Variants in CSNK2A1 observed in about 807,000 individuals in gnomAD.
CSNK2A1 encodes the protein casein kinase 2 alpha 1, also known as casein kinase II subunit alpha.
CSNK2A1 carries 10 observed loss-of-function variants against 62.9 expected under a neutral mutation model. The ratio of observed to expected loss-of-function variants is 0.16; its 90% CI spans 0.10 to 0.27. CSNK2A1 has a LOEUF of 0.27. CSNK2A1 is among the 10% of genes least tolerant of loss of function. The pLI is 1.00. For synonymous variants in CSNK2A1, 124 were observed against 167.8 expected, an observed-to-expected ratio of 0.74 and a Z score of 2.02; for missense variants, 160 against 492.0, an observed-to-expected ratio of 0.33 and a Z score of 6.38.
chr20:524,882 G>GAAGAGGA (rs1252968525), intron 2 of CSNK2A1, among the ~76,000 whole-genome samples: 1 of 152,092 alleles, frequency 6.6e-6, no homozygotes, highest in Non-Finnish European at 1.5e-5. Context: ...TTGGGAGACT[G>GAAGAGGA]AAGAGGAAAG....
Position 478,649 on chromosome 20 carries a change from C to T in CSNK2A1, c.*5312G>A. 4.6e-6 allele frequency: 2 copies of T among 433,862 alleles called. No homozygotes were observed. The highest frequency in any genetic ancestry group is 9.2e-6 in the Non-Finnish European group (2 of 217,708). The allele number at this position is 433,862 out of a possible 1,614,324, so 26.9% of individuals were successfully genotyped here. A position where few individuals can be genotyped will look rare whatever the true frequency, so the allele number is the denominator to read the frequency against. On this transcript the variant is annotated 3_prime_UTR_variant, in exon 14 of 14. Transcript: ENST00000217244. Reference sequence around the variant, plus strand: ...GAGGCCAATAAGAATCCCTAGTGGGCCAGGTGTGGTGGCTCATGCCTCTAA... The same window carrying T: ...GAGGCCAATAAGAATCCCTAGTGGGTCAGGTGTGGTGGCTCATGCCTCTAA...
intron 1 of CSNK2A1, among the ~76,000 whole-genome samples, chr20:529,160 G>A (rs972953779): frequency 6.6e-6 from 1 of 151,450 alleles, no homozygotes; most frequent in East Asian, 1.9e-4. Flanking sequence ...TTGTAGCTGG[G>A]ACCACGGGCA....
chr20:483,393 C>T lies in CSNK2A1; in HGVS notation c.*568G>A, dbSNP rs1294643381. 1 of 152,346 alleles carries T rather than the reference C, an allele frequency of 6.6e-6. No individual in the cohort carries two copies. The highest frequency in any genetic ancestry group is 1.5e-5 in the Non-Finnish European group (1 of 68,040). 9.4% of individuals were successfully genotyped at this position (152,346 alleles called of 1,614,324 possible). A position where few individuals can be genotyped will look rare whatever the true frequency, so the allele number is the denominator to read the frequency against. On this transcript the variant is annotated 3_prime_UTR_variant, in exon 14 of 14. Transcript: ENST00000217244. ...ACTTCCACAAGAGCCACTAGGATAA[C>T]CCCACTGAAGCGCTTATGGAGTAAA...
chr20:505,259 C>T (rs372022858), intron 3 of CSNK2A1, 30 bp from the exon 4 acceptor site: 65 of 1,539,872 alleles, frequency 4.2e-5, no homozygotes, highest in Non-Finnish European at 5.1e-5. Flanking sequence ...GACTTATAAA[C>T]GGTCAAATTA....
Position 475,545 on chromosome 20 carries a change from CCTACTGATATATAT to C in CSNK2A1, c.*8402_*8415del, listed in dbSNP as rs1182896655. 1.3e-5 allele frequency: 2 copies of C among 151,598 alleles called. No individual in the cohort carries two copies. Among genetic ancestry groups the C allele is most frequent in the Non-Finnish European group, 2.9e-5 (2 of 67,978 alleles). The allele number at this position is 151,598 out of a possible 1,614,324, so 9.4% of individuals were successfully genotyped here. On this transcript the variant is annotated 3_prime_UTR_variant, in exon 14 of 14. Coordinates refer to ENST00000217244, the MANE Select transcript of CSNK2A1 (RefSeq NM_177559.3). The stretch of plus-strand genomic sequence containing the variant: ...ATGTTATATGTGGTTGCCTTCTGTT[CCTACTGATATATAT>C]GAATAGTATGGCTGATTGCATTATT...
intron 13 of CSNK2A1, among the ~76,000 whole-genome samples, chr20:485,481 C>G (rs946566310): frequency 2.0e-5 from 3 of 152,154 alleles, no homozygotes; most frequent in Non-Finnish European, 4.4e-5. Flanking sequence ...CTGCACCTGG[C>G]CCTGCATCTT....
At chr20:485,460 G>A (rs1292236111) in intron 13 of CSNK2A1, among the ~76,000 whole-genome samples, 1 of 152,104 alleles carries the variant, frequency 6.6e-6, no homozygotes, top group African/African-American at 2.4e-5. Flanking sequence ...TGGGATTACA[G>A]GCATGAGCCA....
chr20:527,366 A>G (rs1280658468), intron 2 of CSNK2A1, among the ~76,000 whole-genome samples: 3 of 152,190 alleles, frequency 2.0e-5, no homozygotes, highest in Non-Finnish European at 4.4e-5. Flanking sequence ...TTCTATTCTA[A>G]TGTCTTTGAA....
chr20:509,387 A>G (rs554717259), intron 2 of CSNK2A1, among the ~76,000 whole-genome samples: 1 of 152,372 alleles, frequency 6.6e-6, no homozygotes, highest in South Asian at 2.1e-4. Flanking sequence ...GAAAATAAGT[A>G]AGATGTTAGA....
chr20:541,420 A>G (rs2019446822), intron 1 of CSNK2A1, among the ~76,000 whole-genome samples: 1 of 152,230 alleles, frequency 6.6e-6, no homozygotes, highest in South Asian at 2.1e-4. Flanking sequence ...CTTCCTAAAG[A>G]AAATCATCCC....
chr20:536,759 TATG>T lies in CSNK2A1; in HGVS notation c.-227+6910_-227+6912del, dbSNP rs935065729. On this transcript the variant is annotated intron_variant, in intron 1 of 13. Coordinates refer to ENST00000217244, the MANE Select transcript of CSNK2A1 (RefSeq NM_177559.3). ...ACCTCCAAAATCTACTAAGTTGTGG[TATG>T]ATATGCCTGTTATCAGAAAACGTCA... Among the ~76,000 whole-genome samples, 248 of 152,304 alleles carry T rather than the reference TATG, an allele frequency of 1.6e-3. 1 individual carries two copies. The highest frequency in any genetic ancestry group is 5.5e-3 in the African/African-American group (229 of 41,560).
At position 527,942 on chromosome 20, in the gene CSNK2A1, G is replaced by A. The variant is rs1232409359; in HGVS notation, c.-119C>T. On this transcript the variant is annotated 5_prime_UTR_variant, in exon 2 of 14. Transcript: ENST00000217244. ...TCCTACTATCACTTACCAAAGAGAT[G>A]TGAAACTAGTCAGTATGGGTGAATG... The A allele has an allele frequency of 6.6e-6, 1 of 152,200 alleles. No homozygotes were observed. Among genetic ancestry groups the A allele is most frequent in the Non-Finnish European group, 1.5e-5 (1 of 68,052 alleles). The allele number at this position is 152,200 out of a possible 1,614,324, so 9.4% of individuals were successfully genotyped here. A position where few individuals can be genotyped will look rare whatever the true frequency, so the allele number is the denominator to read the frequency against.
chr20:542,277 G>A (rs930252595), intron 1 of CSNK2A1, among the ~76,000 whole-genome samples: 1 of 152,068 alleles, frequency 6.6e-6, no homozygotes, highest in African/African-American at 2.4e-5. Flanking sequence ...TTTTACAGAC[G>A]GGAAAACTGA....
rs1242780096 is a variant in CSNK2A1 at position 527,993 on chromosome 20, T to TC, written c.-171dup. On this transcript the variant is annotated 5_prime_UTR_variant, in exon 2 of 14. An upstream open reading frame in the 5' UTR loses its in-frame stop. Coordinates refer to ENST00000217244, the MANE Select transcript of CSNK2A1 (RefSeq NM_177559.3). ...ATGTTTCTTGGAGATTTTATGAGGT[T>TC]CCACGCTGCATGATTTACCATGTGA... is the stretch of plus-strand genomic sequence containing the variant. The TC allele has an allele frequency of 6.6e-6, 1 of 152,192 alleles. No individual in the cohort carries two copies. The highest frequency in any genetic ancestry group is 2.4e-5 in the African/African-American group (1 of 41,436). The allele number at this position is 152,192 out of a possible 1,614,324, so 9.4% of individuals were successfully genotyped here.
chr20:492,797 C>T (rs2018262605), intron 8 of CSNK2A1: 1 of 162,252 alleles, frequency 6.2e-6, no homozygotes, highest in Non-Finnish European at 1.3e-5. Context: ...GGACGACAAG[C>T]TCCTTAGGGG....
In CSNK2A1 at chr20:481,497, C is replaced by G. The variant is rs1252633102; in HGVS notation, c.*2464G>C. 2 of 115,460 alleles carry G rather than the reference C, an allele frequency of 1.7e-5. No homozygotes were observed. Among genetic ancestry groups the G allele is most frequent in the African/African-American group, 3.2e-5 (1 of 31,330 alleles). The allele number at this position is 115,460 out of a possible 1,614,324, so 7.2% of individuals were successfully genotyped here. ...AAACCCTTGCCTCCCCCCCACCCCC[C>G]ACCCAATTGGGTCTTTTTTTTTTTT... On this transcript the variant is annotated 3_prime_UTR_variant, in exon 14 of 14. Coordinates refer to ENST00000217244, the MANE Select transcript of CSNK2A1 (RefSeq NM_177559.3).
At chr20:495,655 T>A in intron 8 of CSNK2A1, 64 bp downstream of exon 8, 1 of 1,377,316 alleles carries the variant, frequency 7.3e-7, no homozygotes, top group Non-Finnish European at 1.0e-6. Context: ...AGGGATAAAG[T>A]GTTGAAGATG....
chr20:484,193 G>T, intron 13 of CSNK2A1, 117 bp from the exon 14 acceptor site: 1 of 838,688 alleles, frequency 1.2e-6, no homozygotes, highest in Non-Finnish European at 1.7e-6. Flanking sequence ...CTTCCTCTTA[G>T]CTGGATTTTT....
chr20:532,143 T>C lies in CSNK2A1; in HGVS notation c.-226-4094A>G, dbSNP rs1201245727. 2.6e-5 allele frequency among the ~76,000 whole-genome samples: 4 copies of C among 152,062 alleles called. No homozygotes were observed. In the East Asian group the frequency reaches 7.7e-4, roughly 29 times the overall value. ...CCAATTACTGAGCTTTCTAAATTAG[T>C]GCTCCCAGTTTTTCTAAACTTTTAA... On this transcript the variant is annotated intron_variant, in intron 1 of 13. Transcript: ENST00000217244.
Sources: gnomAD v4.1 joint callset for allele counts (sites outside exome capture counted in the v4.1 genomes callset) on GRCh38, gnomAD v4.1.1 for gene constraint, MANE v1.5 for transcripts, NCBI Gene and HGNC (gene_info 2026-07-23, HGNC 2026-07-21) for gene names.